ADARB2: variants seen among roughly 807,000 people sequenced by gnomAD.
The protein encoded by ADARB2 is adenosine deaminase RNA specific B2 (inactive), also known as inactive double-stranded RNA-specific editase B2.
ADARB2 carries 25 observed loss-of-function variants against 62.2 expected under a neutral mutation model. The ratio of observed to expected loss-of-function variants is 0.40; its 90% CI spans 0.29 to 0.56. The LOEUF is 0.56. Ranked by LOEUF, ADARB2 falls within the 20% of genes least tolerant of loss-of-function variation. The pLI is 0.43. For missense variants in ADARB2, 1,071 were observed against 1,077.4 expected, an observed-to-expected ratio of 0.99 and a Z score of 0.08; for synonymous variants, 572 against 500.8, an observed-to-expected ratio of 1.14 and a Z score of -1.90.
rs1832287704 is a variant in ADARB2, at chr10:1,363,841, C to G, written c.264G>C (p.Arg88=). The G allele has an allele frequency of 6.4e-7, 1 of 1,554,216 alleles. No homozygotes were observed. Among genetic ancestry groups the G allele is most frequent in the Non-Finnish European group, 8.6e-7 (1 of 1,157,316 alleles). ...TCGCGCCGGGCGCGCCGCCCCGGGCCCGGTCCCCGGAGGGCGGTGGCCGCG... is the reference window on the plus strand; with the variant it reads ...TCGCGCCGGGCGCGCCGCCCCGGGCGCGGTCCCCGGAGGGCGGTGGCCGCG... ...LAARPPPSGD[R]ARGGAPGAKR... Residue 88 remains arginine, a synonymous_variant, in exon 3 of 10, where the codon CGG becomes CGC. Transcript: ENST00000381312.
intron 1 of ADARB2, among the ~76,000 whole-genome samples, chr10:1,528,967 A>G (rs1479089432): frequency 6.6e-6 from 1 of 152,068 alleles, no homozygotes; most frequent in Non-Finnish European, 1.5e-5. Context: ...TTTCCCCACA[A>G]TGTAGCTTTG....
At chr10:1,401,509 C>T (rs944611640) in intron 1 of ADARB2, among the ~76,000 whole-genome samples, 5 of 152,212 alleles carry the variant, frequency 3.3e-5, no homozygotes, top group African/African-American at 1.2e-4. Context: ...GTCCCAGCTC[C>T]CTTCCCACAA....
intron 3 of ADARB2, among the ~76,000 whole-genome samples, chr10:1,294,147 TGAG>T (rs1193969026): frequency 1.3e-5 from 2 of 152,152 alleles, no homozygotes; most frequent in African/African-American, 4.8e-5. Flanking sequence ...TCATTTGAGA[TGAG>T]GAAGAATTCA....
At chr10:1,310,980 T>G (rs866745302) in intron 3 of ADARB2, among the ~76,000 whole-genome samples, 3 of 152,364 alleles carry the variant, frequency 2.0e-5, no homozygotes, top group South Asian at 2.1e-4. Flanking sequence ...ATTTCGATTA[T>G]TCACATGATG....
chr10:1,341,289 C>T (rs1486201789), intron 3 of ADARB2, among the ~76,000 whole-genome samples: 2 of 148,668 alleles, frequency 1.3e-5, no homozygotes, highest in Admixed American at 6.7e-5. Flanking sequence ...AACCAGCATC[C>T]ACCAGAGAAC....
At chr10:1,554,239 C>G (rs1832669670) in intron 1 of ADARB2, among the ~76,000 whole-genome samples, 1 of 152,190 alleles carries the variant, frequency 6.6e-6, no homozygotes, top group Admixed American at 6.5e-5. Context: ...ATCCACCCAG[C>G]CAGGGGCAGG....
At chr10:1,395,547 C>G (rs1446073680) in intron 1 of ADARB2, among the ~76,000 whole-genome samples, 1 of 152,216 alleles carries the variant, frequency 6.6e-6, no homozygotes, top group Non-Finnish European at 1.5e-5. Context: ...AGGCACTTCT[C>G]CCCAGCGGGG....
intron 3 of ADARB2, among the ~76,000 whole-genome samples, chr10:1,310,859 A>G (rs930489662): frequency 6.6e-6 from 1 of 152,284 alleles, no homozygotes; most frequent in Non-Finnish European, 1.5e-5. Flanking sequence ...TTGGATTAAA[A>G]ATAAGTTGAG....
At chr10:1,726,729 C>T (rs190738044) in intron 1 of ADARB2, among the ~76,000 whole-genome samples, 90 of 152,278 alleles carry the variant, frequency 5.9e-4, no homozygotes, top group African/African-American at 2.1e-3. Flanking sequence ...GTGCCTGGCT[C>T]TCCGTAGATG....
intron 1 of ADARB2, among the ~76,000 whole-genome samples, chr10:1,601,541 GC>G (rs1158888192): frequency 6.6e-6 from 1 of 152,188 alleles, no homozygotes; most frequent in African/African-American, 2.4e-5. Flanking sequence ...CAGAGAGCTG[GC>G]CTCACAGGAA....
intron 1 of ADARB2, among the ~76,000 whole-genome samples, chr10:1,380,560 T>G (rs759175604): frequency 4.6e-5 from 7 of 152,216 alleles, no homozygotes; most frequent in African/African-American, 1.7e-4. Flanking sequence ...TGGCTCTTTT[T>G]CTTTTGAGGC....
chr10:1,300,465 C>T (rs932486020), intron 3 of ADARB2, among the ~76,000 whole-genome samples: 1 of 152,342 alleles, frequency 6.6e-6, no homozygotes, highest in East Asian at 1.9e-4. Flanking sequence ...TGGGCTCACA[C>T]AGACACCTCC....
At chr10:1,504,048 G>T (rs1245646574) in intron 1 of ADARB2, among the ~76,000 whole-genome samples, 1 of 152,154 alleles carries the variant, frequency 6.6e-6, no homozygotes, top group African/African-American at 2.4e-5. Context: ...TGATCATTCA[G>T]CCTCTTTCCC....
chr10:1,194,069 CT>C (rs889330112), intron 8 of ADARB2, among the ~76,000 whole-genome samples: 1 of 152,224 alleles, frequency 6.6e-6, no homozygotes, highest in Non-Finnish European at 1.5e-5. Flanking sequence ...CTTTCCTGCT[CT>C]CTTCACTCTC....
In ADARB2 at chr10:1,181,880, C is replaced by A. The variant is rs1031720754; in HGVS notation, c.*1313G>T. 1 of 152,132 alleles carries A rather than the reference C, an allele frequency of 6.6e-6. No homozygotes were observed. The highest frequency in any genetic ancestry group is 1.5e-5 in the Non-Finnish European group (1 of 68,030). The allele number at this position is 152,132 out of a possible 1,614,324, so 9.4% of individuals were successfully genotyped here. ...ACAGCAGCTCGAGGTACATGGATTA[C>A]GTAAAGATACTTGGAAAAGAGCCTG... On this transcript the variant is annotated 3_prime_UTR_variant, in exon 10 of 10. Transcript: ENST00000381312.
chr10:1,395,145 T>G (rs1250852439), intron 1 of ADARB2, among the ~76,000 whole-genome samples: 1 of 152,120 alleles, frequency 6.6e-6, no homozygotes, highest in Admixed American at 6.5e-5. Flanking sequence ...CCTCCCAAAG[T>G]GTTGGGATTA....
intron 4 of ADARB2, among the ~76,000 whole-genome samples, chr10:1,259,327 C>T (rs1259198533): frequency 2.6e-5 from 4 of 151,930 alleles, no homozygotes; most frequent in Non-Finnish European, 5.9e-5. Flanking sequence ...AATAGAGACA[C>T]AAAAAACCTT....
intron 1 of ADARB2, among the ~76,000 whole-genome samples, chr10:1,459,941 C>T (rs2999400): frequency 0.091 from 10,035 of 110,648 alleles, 402 homozygotes; most frequent in African/African-American, 0.17. Flanking sequence ...AGTTTACCTG[C>T]GTTACGAACC....
At chr10:1,283,101 A>G (rs1284799981) in intron 3 of ADARB2, among the ~76,000 whole-genome samples, 2 of 152,228 alleles carry the variant, frequency 1.3e-5, no homozygotes, top group African/African-American at 4.8e-5. Flanking sequence ...CAGCTCCTTT[A>G]TAAAGGCTTC....
Sources: allele counts gnomAD v4.1 joint callset (sites outside exome capture counted in the v4.1 genomes callset), GRCh38; gene constraint gnomAD v4.1.1; transcripts MANE v1.5; gene names NCBI Gene and HGNC (gene_info 2026-07-23, HGNC 2026-07-21).